The following C12orf42 variants were observed in gnomAD, a reference collection of about 807,000 sequenced individuals.
C12orf42 encodes uncharacterized protein C12orf42.
In C12orf42, 25 loss-of-function variants were observed where a neutral mutation model predicts 21.6. The ratio of observed to expected loss-of-function variants is 1.16; its 90% CI spans 0.84 to 1.62. The LOEUF (loss-of-function observed/expected upper bound fraction) is 1.62, where lower values mean the gene tolerates loss of function less well. Among genes scored for constraint, C12orf42 ranks in the 40% most tolerant of loss-of-function variants. The pLI is 0.00. For synonymous variants in C12orf42, 174 were observed against 175.0 expected (o/e 0.99, Z 0.05); for missense variants, 483 against 459.3 (o/e 1.05, Z -0.47).
At position 103,409,348 on chromosome 12, in the gene C12orf42, G is replaced by T. The variant is rs146021006; in HGVS notation, c.79-7673C>A. On this transcript the variant is annotated intron_variant, in intron 2 of 5. Coordinates refer to ENST00000548883, the MANE Select transcript of C12orf42 (RefSeq NM_198521.5). ...CATGACTTTCTGACCCTCCCAAAAT[G>T]CAAAATAAAAGATAGTGGTATCCCT... Among the ~76,000 whole-genome samples the T allele has an allele frequency of 5.5e-3, 837 of 152,242 alleles. 9 individuals carry two copies. The highest frequency in any genetic ancestry group is 0.019 in the African/African-American group (808 of 41,554).
intron 2 of C12orf42, among the ~76,000 whole-genome samples, chr12:103,423,910 A>G (rs917237951): frequency 6.6e-6 from 1 of 152,260 alleles, no homozygotes; most frequent in Non-Finnish European, 1.5e-5. Flanking sequence ...TAAATAAGCC[A>G]TAAGTTTTTT....
chr12:103,329,700 T>C lies in C12orf42; in HGVS notation c.260-23355A>G, dbSNP rs573128515. On this transcript the variant is annotated intron_variant, in intron 4 of 5. Transcript: ENST00000548883. Reference sequence around the variant, plus strand: ...CACAAAGGCTTTTAGTTTCTAATGATAGAAGCCTACATATTCATTGTACAA... The same window carrying C: ...CACAAAGGCTTTTAGTTTCTAATGACAGAAGCCTACATATTCATTGTACAA... Among the ~76,000 whole-genome samples the C allele has an allele frequency of 3.4e-3, 512 of 150,416 alleles. 4 individuals carry two copies. The highest frequency in any genetic ancestry group is 0.012 in the African/African-American group (481 of 41,050).
intron 4 of C12orf42, among the ~76,000 whole-genome samples, chr12:103,323,413 T>C (rs2040373853): frequency 6.6e-6 from 1 of 152,204 alleles, no homozygotes; most frequent in East Asian, 1.9e-4. Context: ...CATGGTGAAT[T>C]ATTGAATTAA....
At chr12:103,097,690 T>G in the C12orf42 span, among the ~76,000 whole-genome samples, 1 of 152,328 alleles carries the variant, frequency 6.6e-6, no homozygotes, top group African/African-American at 2.4e-5. Context: ...GTGTGGTATG[T>G]GCCATTAATT....
the C12orf42 span, among the ~76,000 whole-genome samples, chr12:103,194,195 T>C: frequency 1.2e-3 from 181 of 151,570 alleles, 3 homozygotes; most frequent in East Asian, 0.032. Flanking sequence ...AAAGGCTATA[T>C]ATGAAAAACC....
chr12:103,101,857 G>A, the C12orf42 span, among the ~76,000 whole-genome samples: 2 of 152,182 alleles, frequency 1.3e-5, no homozygotes, highest in African/African-American at 4.8e-5. Flanking sequence ...GCTAAGGTGA[G>A]GCCTGCCTGG....
At chr12:103,552,914 G>A in the C12orf42 span, among the ~76,000 whole-genome samples, 1 of 151,790 alleles carries the variant, frequency 6.6e-6, no homozygotes, top group South Asian at 2.1e-4. Context: ...GCAAGAGCAG[G>A]GGAAACTGCC....
the C12orf42 span, among the ~76,000 whole-genome samples, chr12:103,110,433 T>A: frequency 1.1e-4 from 17 of 152,280 alleles, no homozygotes; most frequent in African/African-American, 4.1e-4. Flanking sequence ...TAAGTAAGGG[T>A]TATCTCTGGG....
At chr12:103,149,382 C>T in the C12orf42 span, among the ~76,000 whole-genome samples, 400 of 152,166 alleles carry the variant, frequency 2.6e-3, 1 homozygote, top group African/African-American at 9.3e-3. Context: ...ATGCAGGACA[C>T]CCAGTTAGAT....
At chr12:103,216,871 C>A in the C12orf42 span, among the ~76,000 whole-genome samples, 8 of 151,958 alleles carry the variant, frequency 5.3e-5, no homozygotes, top group Non-Finnish European at 1.0e-4. Flanking sequence ...GAGATGGAGT[C>A]CCGCTCTGTG....
intron 1 of C12orf42, among the ~76,000 whole-genome samples, chr12:103,483,387 T>A (rs1288888640): frequency 4.6e-5 from 7 of 152,252 alleles, no homozygotes; most frequent in South Asian, 2.1e-4. Context: ...AAATAAAAAA[T>A]TTAAGAAAAT....
chr12:103,383,536 A>G (rs1388056310), intron 3 of C12orf42, among the ~76,000 whole-genome samples: 1 of 152,218 alleles, frequency 6.6e-6, no homozygotes. Flanking sequence ...AACCTTGTAC[A>G]TGTATCTCTG....
At chr12:103,111,896 T>G in the C12orf42 span, among the ~76,000 whole-genome samples, 3 of 152,226 alleles carry the variant, frequency 2.0e-5, no homozygotes, top group Admixed American at 2.0e-4. Context: ...GAGGTAATCT[T>G]GTAGAGTCAG....
intron 2 of C12orf42, among the ~76,000 whole-genome samples, chr12:103,402,740 A>C (rs2048112847): frequency 6.6e-6 from 1 of 152,248 alleles, no homozygotes; most frequent in African/African-American, 2.4e-5. Context: ...GACTAGAGAC[A>C]GAAATTGGAC....
chr12:103,237,341 G>A (rs1026115636), downstream of C12orf42, among the ~76,000 whole-genome samples: 6 of 152,178 alleles, frequency 3.9e-5, no homozygotes, highest in Non-Finnish European at 8.8e-5. Flanking sequence ...TAACTGAGAT[G>A]ACAGACAATA....
chr12:103,432,559 A>G (rs17033932), intron 2 of C12orf42, among the ~76,000 whole-genome samples: 26,215 of 152,268 alleles, frequency 0.17, 2,594 homozygotes, highest in African/African-American at 0.28. Flanking sequence ...TTGCTGTCTA[A>G]TGAGAGAGAT....
At chr12:103,441,494 T>A (rs1951241044) in intron 2 of C12orf42, 1 of 152,140 alleles carries the variant, frequency 6.6e-6, no homozygotes, top group Non-Finnish European at 1.5e-5. Flanking sequence ...TGGGTATTTT[T>A]CCACTCATTT....
the C12orf42 span, among the ~76,000 whole-genome samples, chr12:103,137,559 G>T: frequency 6.6e-6 from 1 of 152,146 alleles, no homozygotes; most frequent in Non-Finnish European, 1.5e-5. Flanking sequence ...ATATCAAAGA[G>T]ATACTGGCAT....
chr12:103,306,725 A>G (rs2038375036), intron 4 of C12orf42, among the ~76,000 whole-genome samples: 1 of 152,152 alleles, frequency 6.6e-6, no homozygotes, highest in Non-Finnish European at 1.5e-5. Flanking sequence ...CCTCCCTGCC[A>G]AAAAAGATAT....
Sources: gnomAD v4.1 joint callset for allele counts (sites outside exome capture counted in the v4.1 genomes callset) on GRCh38, gnomAD v4.1.1 for gene constraint, MANE v1.5 for transcripts, NCBI Gene and HGNC (gene_info 2026-07-23, HGNC 2026-07-21) for gene names.